Variants in KCNH5 observed in about 807,000 individuals in gnomAD.
The protein encoded by KCNH5 is voltage-gated delayed rectifier potassium channel KCNH5.
In KCNH5, 46 loss-of-function variants were observed where a neutral mutation model predicts 96.1. The ratio of observed to expected loss-of-function variants is 0.48; its 90% confidence interval spans 0.38 to 0.61. KCNH5 has a LOEUF of 0.61. KCNH5 is among the 20% of genes least tolerant of loss of function. KCNH5 has a pLI of 0.00. For missense variants in KCNH5, 907 were observed against 1,225.8 expected, an observed-to-expected ratio of 0.74 and a Z score of 3.88; for synonymous variants, 439 against 449.8, an observed-to-expected ratio of 0.98 and a Z score of 0.30.
chr14:62,743,633 T>C (rs1332696286), intron 10 of KCNH5, among the ~76,000 whole-genome samples: 1 of 152,100 alleles, frequency 6.6e-6, no homozygotes, highest in Non-Finnish European at 1.5e-5. Flanking sequence ...AGGTCAGAAA[T>C]CTGCATCAAA....
At chr14:62,742,117 T>A (rs1885282820) in intron 10 of KCNH5, among the ~76,000 whole-genome samples, 1 of 151,950 alleles carries the variant, frequency 6.6e-6, no homozygotes, top group Non-Finnish European at 1.5e-5. Context: ...ATGAGGAGAG[T>A]ACAACATATT....
At chr14:63,005,885 T>C (rs1204993037) in intron 3 of KCNH5, among the ~76,000 whole-genome samples, 1 of 152,230 alleles carries the variant, frequency 6.6e-6, no homozygotes, top group African/African-American at 2.4e-5. Flanking sequence ...TCTACTAGGC[T>C]TTCTCACAAA....
At chr14:62,817,460 T>G (rs1260116696) in intron 8 of KCNH5, among the ~76,000 whole-genome samples, 1 of 149,036 alleles carries the variant, frequency 6.7e-6, no homozygotes, top group African/African-American at 2.4e-5. Flanking sequence ...ATCTGTGAAC[T>G]TGAAGATGGG....
At chr14:62,865,388 T>A (rs199562968) in intron 7 of KCNH5, among the ~76,000 whole-genome samples, 3 of 136,768 alleles carry the variant, frequency 2.2e-5, no homozygotes, top group Admixed American at 7.5e-5. Flanking sequence ...TGGACTGGAG[T>A]GGGAAAGAGA....
chr14:62,748,640 GA>G (rs1306785059), intron 10 of KCNH5, among the ~76,000 whole-genome samples: 1 of 152,132 alleles, frequency 6.6e-6, no homozygotes, highest in African/African-American at 2.4e-5. Flanking sequence ...TCTTCAGGCT[GA>G]ATAGGGGTGA....
At chr14:62,764,181 T>A (rs536118216) in intron 10 of KCNH5, among the ~76,000 whole-genome samples, 38 of 152,152 alleles carry the variant, frequency 2.5e-4, no homozygotes, top group African/African-American at 8.7e-4. Context: ...TCCATCACAA[T>A]CAAGCCTTCA....
At chr14:63,017,840 A>C (rs1416359904) in intron 1 of KCNH5, among the ~76,000 whole-genome samples, 1 of 151,938 alleles carries the variant, frequency 6.6e-6, no homozygotes, top group Non-Finnish European at 1.5e-5. Context: ...AGGGTAGTAT[A>C]CTAAAAATAT....
In KCNH5 at chr14:62,920,574, G is replaced by A. The variant is rs142888777; in HGVS notation, c.1369+29559C>T. Among the ~76,000 whole-genome samples the A allele has an allele frequency of 5.6e-3, 853 of 151,880 alleles. 9 individuals carry two copies. Among genetic ancestry groups the A allele is most frequent in the African/African-American group, 0.019 (777 of 41,418 alleles). ...CCAAGATAATCCCTCAAGAATCTTCGACCCGCCTGTGCAACTTAAAAATCA... is the reference window on the plus strand; with the variant it reads ...CCAAGATAATCCCTCAAGAATCTTCAACCCGCCTGTGCAACTTAAAAATCA... On this transcript the variant is annotated intron_variant, in intron 7 of 10. Coordinates refer to ENST00000322893, the MANE Select transcript of KCNH5 (RefSeq NM_139318.5).
At chr14:62,825,809 C>T (rs1255893418) in intron 8 of KCNH5, among the ~76,000 whole-genome samples, 3 of 151,096 alleles carry the variant, frequency 2.0e-5, no homozygotes, top group Non-Finnish European at 4.4e-5. Context: ...TGCTTTTATC[C>T]TTCGTTCTCT....
intron 3 of KCNH5, among the ~76,000 whole-genome samples, chr14:63,003,349 C>G (rs577412385): frequency 6.7e-6 from 1 of 148,264 alleles, no homozygotes; most frequent in Admixed American, 6.9e-5. Context: ...GAGGAACCTG[C>G]TGTGGCTGAA....
intron 10 of KCNH5, among the ~76,000 whole-genome samples, chr14:62,766,770 C>T (rs1192152392): frequency 2.0e-5 from 3 of 151,984 alleles, no homozygotes; most frequent in African/African-American, 7.2e-5. Context: ...TATTTGATAG[C>T]ACAAGGTGAC....
At chr14:62,888,244 A>C (rs1022201118) in intron 7 of KCNH5, among the ~76,000 whole-genome samples, 1 of 152,232 alleles carries the variant, frequency 6.6e-6, no homozygotes, top group African/African-American at 2.4e-5. Flanking sequence ...CTGAAACTAT[A>C]CAGACTGAAA....
intron 9 of KCNH5, among the ~76,000 whole-genome samples, chr14:62,794,479 G>C (rs1264298811): frequency 6.6e-6 from 1 of 151,458 alleles, no homozygotes; most frequent in Non-Finnish European, 1.5e-5. Flanking sequence ...TTACTTACTA[G>C]CTGTGACCCA....
At chr14:62,939,635 T>G (rs1258573966) in intron 7 of KCNH5, among the ~76,000 whole-genome samples, 1 of 152,194 alleles carries the variant, frequency 6.6e-6, no homozygotes, top group Non-Finnish European at 1.5e-5. Flanking sequence ...CATAAAAACA[T>G]TTTTTAAAGT....
intron 7 of KCNH5, among the ~76,000 whole-genome samples, chr14:62,939,230 G>C (rs1889741986): frequency 6.6e-6 from 1 of 152,118 alleles, no homozygotes; most frequent in African/African-American, 2.4e-5. Flanking sequence ...GTTAGCAACA[G>C]ACTCTCCTTC....
At chr14:63,036,467 A>C (rs954394023) in intron 1 of KCNH5, among the ~76,000 whole-genome samples, 7 of 151,984 alleles carry the variant, frequency 4.6e-5, no homozygotes, top group African/African-American at 1.7e-4. Flanking sequence ...AAAAAACAAA[A>C]ATACTAAAGA....
intron 7 of KCNH5, among the ~76,000 whole-genome samples, chr14:62,939,058 G>A (rs147051299): frequency 4.8e-4 from 73 of 152,174 alleles, no homozygotes; most frequent in African/African-American, 1.7e-3. Flanking sequence ...AAAACGGTTT[G>A]GACCCCATGA....
chr14:62,744,740 A>G (rs1885340748), intron 10 of KCNH5, among the ~76,000 whole-genome samples: 1 of 152,226 alleles, frequency 6.6e-6, no homozygotes, highest in Non-Finnish European at 1.5e-5. Flanking sequence ...CACTACGGTC[A>G]GAAACCATGA....
intron 10 of KCNH5, among the ~76,000 whole-genome samples, chr14:62,734,203 C>T (rs1306818027): frequency 3.3e-5 from 5 of 151,950 alleles, no homozygotes; most frequent in Non-Finnish European, 7.4e-5. Context: ...GATGATTCAT[C>T]GAAAATCACC....
Sources: gnomAD v4.1 joint callset for allele counts (sites outside exome capture counted in the v4.1 genomes callset) on GRCh38, gnomAD v4.1.1 for gene constraint, MANE v1.5 for transcripts, NCBI Gene and HGNC (gene_info 2026-07-23, HGNC 2026-07-21) for gene names.